BRDT: variants seen among roughly 807,000 people sequenced by gnomAD.
BRDT encodes the protein bromodomain testis associated.
In BRDT, 77 loss-of-function variants were observed where a neutral mutation model predicts 113.9. The observed-to-expected ratio is 0.68, with a 90% confidence interval of 0.56 to 0.82. BRDT has a LOEUF of 0.82. Among genes scored for constraint, BRDT ranks in the 40% least tolerant of loss-of-function variants. The pLI, the probability that BRDT is intolerant of heterozygous loss-of-function variation, is 0.00. For missense variants in BRDT, 1,027 were observed against 1,105.4 expected, an observed-to-expected ratio of 0.93 and a Z score of 1.01; for synonymous variants, 358 against 366.5, an observed-to-expected ratio of 0.98 and a Z score of 0.26.
chr1:91,985,074 T>G (rs962014143), intron 12 of BRDT, among the ~76,000 whole-genome samples: 1 of 151,692 alleles, frequency 6.6e-6, no homozygotes, highest in Non-Finnish European at 1.5e-5. Flanking sequence ...CTTTGATTAT[T>G]ATTATTATTT....
intron 1 of BRDT, among the ~76,000 whole-genome samples, chr1:91,953,294 G>T (rs1352230898): frequency 6.6e-6 from 1 of 152,176 alleles, no homozygotes; most frequent in Admixed American, 6.5e-5. Flanking sequence ...AAGCTCTTTA[G>T]TTCTATGCTG....
intron 15 of BRDT, among the ~76,000 whole-genome samples, chr1:91,995,403 CTG>C (rs200254179): frequency 0.027 from 3,991 of 146,314 alleles, 86 homozygotes; most frequent in East Asian, 0.075. Flanking sequence ...CCCTACTATT[CTG>C]TGTGTGTGTG....
chr1:91,956,256 C>A (rs1232963170), intron 1 of BRDT, among the ~76,000 whole-genome samples: 1 of 151,860 alleles, frequency 6.6e-6, no homozygotes, highest in African/African-American at 2.4e-5. Context: ...GTTTTAAAAC[C>A]AAGATTTGGT....
chr1:91,970,232 C>A (rs925534676), intron 4 of BRDT, among the ~76,000 whole-genome samples: 4 of 152,146 alleles, frequency 2.6e-5, no homozygotes, highest in Non-Finnish European at 5.9e-5. Flanking sequence ...GATGAAATTA[C>A]ATGTAACATA....
At chr1:91,967,400 T>C (rs946343123) in intron 3 of BRDT, among the ~76,000 whole-genome samples, 6 of 150,554 alleles carry the variant, frequency 4.0e-5, no homozygotes, top group African/African-American at 1.5e-4. Flanking sequence ...CGCACCTGGC[T>C]AATTTTTTTT....
At chr1:91,963,788 C>CTTTTTTTTT (rs57708341) in intron 2 of BRDT, among the ~76,000 whole-genome samples, 1 of 119,562 alleles carries the variant, frequency 8.4e-6, no homozygotes, top group African/African-American at 3.1e-5. Context: ...TCTTTATTGG[C>CTTTTTTTTT]TTTTTTTTTT....
intron 18 of BRDT, among the ~76,000 whole-genome samples, chr1:92,006,934 C>T (rs562813407): frequency 1.3e-5 from 2 of 152,030 alleles, no homozygotes; most frequent in East Asian, 1.9e-4. Flanking sequence ...ATTACAGGCC[C>T]GTGCCACCAC....
intron 4 of BRDT, among the ~76,000 whole-genome samples, chr1:91,968,699 A>C (rs1434992442): frequency 6.6e-6 from 1 of 152,158 alleles, no homozygotes; most frequent in Non-Finnish European, 1.5e-5. Context: ...CACTCACAAA[A>C]ATCTTTAGAG....
At chr1:91,963,990 C>G (rs1682786152) in intron 2 of BRDT, among the ~76,000 whole-genome samples, 1 of 151,776 alleles carries the variant, frequency 6.6e-6, no homozygotes, top group Admixed American at 6.6e-5. Context: ...TTGGGCCTCA[C>G]CCTCCCAAGT....
chr1:91,990,022 A>G (rs941019431), intron 12 of BRDT, among the ~76,000 whole-genome samples: 3 of 152,212 alleles, frequency 2.0e-5, no homozygotes, highest in Non-Finnish European at 2.9e-5. Flanking sequence ...GCATGAAACA[A>G]ATAACACTCA....
chr1:91,974,478 A>C (rs543731771), intron 4 of BRDT, among the ~76,000 whole-genome samples: 26 of 152,378 alleles, frequency 1.7e-4, no homozygotes, highest in Middle Eastern at 3.4e-3. Context: ...GAAGGATATG[A>C]AGAGACACTT....
At position 91,964,776 on chromosome 1, in the gene BRDT, TTA is replaced by T. The variant is rs774721026; in HGVS notation, c.330+14_330+15del. The T allele has an allele frequency of 9.9e-6, 14 of 1,418,954 alleles. No individual in the cohort carries two copies. Among genetic ancestry groups the T allele is most frequent in the Non-Finnish European group, 1.3e-5 (14 of 1,056,538 alleles). The allele number at this position is 1,418,954 out of a possible 1,614,324, so 87.9% of individuals were successfully genotyped here. A position where few individuals can be genotyped will look rare whatever the true frequency, so the allele number is the denominator to read the frequency against. ...ATTTATATAACAAGGTATGTAAGCC[TTA>T]TGTTATACTTGCTAATTCTTTGCCA... On this transcript the variant is annotated intron_variant, in intron 3 of 18. Transcript: ENST00000399546.
chr1:91,957,150 C>T (rs1681860706), intron 1 of BRDT, among the ~76,000 whole-genome samples: 1 of 152,106 alleles, frequency 6.6e-6, no homozygotes, highest in East Asian at 1.9e-4. Flanking sequence ...ACAGCAAAAA[C>T]TTTTGTGTTA....
At position 91,979,694 on chromosome 1, in the gene BRDT, A is replaced by T; in HGVS notation, c.1224A>T (p.Glu408Asp). Residue 408 changes from glutamate (E) to aspartate (D), a missense_variant, in exon 8 of 19, where the codon GAA becomes GAT. Transcript: ENST00000399546. ...GRENTNEASSEGNSSDDSEDE... is the reference protein window; with the variant it reads ...GRENTNEASSDGNSSDDSEDE... The stretch of plus-strand genomic sequence containing the variant: ...AGAACACTAATGAAGCCTCCTCTGA[A>T]GGGAACTCTTCTGATGATTCTGAAG... 6.2e-7 allele frequency: 1 copy of T among 1,614,006 alleles called. No individual in the cohort carries two copies. Among genetic ancestry groups the T allele is most frequent in the Non-Finnish European group, 8.5e-7 (1 of 1,180,004 alleles).
rs1687114684 is a variant in BRDT at position 92,004,454 on chromosome 1, G to C, written c.2429G>C (p.Gly810Ala). 1.2e-6 allele frequency: 2 copies of C among 1,610,236 alleles called. No individual in the cohort carries two copies. The highest frequency in any genetic ancestry group is 2.2e-5 in the South Asian group (2 of 89,928). ...AATGCAGATTCATGGAAAAGTTTAG[G>C]CAAACCAGTGAAACCATCAGGTGTA... Reference protein sequence around the residue: ...IKNADSWKSLGKPVKPSGVMK... With the variant: ...IKNADSWKSLAKPVKPSGVMK... Residue 810 changes from glycine (G) to alanine (A), a missense_variant, in exon 17 of 19, where the codon GGC becomes GCC. Transcript: ENST00000399546.
At chr1:91,969,005 C>T (rs999958798) in intron 4 of BRDT, among the ~76,000 whole-genome samples, 3 of 151,970 alleles carry the variant, frequency 2.0e-5, no homozygotes, top group Non-Finnish European at 1.5e-5. Flanking sequence ...AGTGCGATCT[C>T]GGCTCACTGC....
At chr1:91,962,010 T>C (rs1682506457) in intron 1 of BRDT, among the ~76,000 whole-genome samples, 3 of 151,176 alleles carry the variant, frequency 2.0e-5, no homozygotes. Flanking sequence ...CCGGGCGTAG[T>C]GGAGGGCGCC....
intron 3 of BRDT, among the ~76,000 whole-genome samples, chr1:91,966,261 A>G (rs1408617580): frequency 6.6e-6 from 1 of 152,206 alleles, no homozygotes; most frequent in Non-Finnish European, 1.5e-5. Flanking sequence ...AAATATGAGA[A>G]TTCTAAGTAT....
rs143392891 is a variant in BRDT at position 91,997,476 on chromosome 1, A to G, written c.2287+3222A>G. Among the ~76,000 whole-genome samples, 21 of 152,322 alleles carry G rather than the reference A, an allele frequency of 1.4e-4. No individual in the cohort carries two copies. In the East Asian group the frequency reaches 3.9e-3, roughly 28 times the overall value. On this transcript the variant is annotated intron_variant, in intron 15 of 18. Transcript: ENST00000399546. ...TCATTATAAAGAGCTAAAGTAGGAA[A>G]AAGTTACTCTTTTAACTAGAGTATG...
Sources: allele counts gnomAD v4.1 joint callset (sites outside exome capture counted in the v4.1 genomes callset), GRCh38; gene constraint gnomAD v4.1.1; transcripts MANE v1.5; gene names NCBI Gene and HGNC (gene_info 2026-07-23, HGNC 2026-07-21).